Variants in RRP12 observed in about 807,000 individuals in gnomAD.
The protein encoded by RRP12 is RRP12-like protein.
Under a neutral mutation model 157.3 loss-of-function variants are expected in RRP12, and 78 were observed. The observed-to-expected ratio is 0.50, with a 90% CI of 0.41 to 0.60. The LOEUF is 0.60. RRP12 is among the 20% of genes least tolerant of loss of function. The probability of loss-of-function intolerance (pLI) is 0.00; values close to 1 mark genes in which losing one functional copy is unlikely to be tolerated. For missense variants in RRP12, 1,521 were observed against 1,679.9 expected (o/e 0.91, Z 1.65); for synonymous variants, 726 against 670.9 (o/e 1.08, Z -1.27).
At position 97,370,736 on chromosome 10, in the gene RRP12, T is replaced by C; in HGVS notation, c.2563A>G (p.Ile855Val). 1.2e-6 allele frequency: 2 copies of C among 1,614,128 alleles called. No homozygotes were observed. Among genetic ancestry groups the C allele is most frequent in the East Asian group, 2.2e-5 (1 of 44,868 alleles). Residue 855 changes from isoleucine (I) to valine (V), a missense_variant, in exon 22 of 34, where the codon ATC becomes GTC. Transcript: ENST00000370992. ...RKLSAEHKEF[I>V]TALIPEVILC... Reference sequence around the variant, plus strand: ...CTCACCTCTGGGATGAGGGCAGTGATGAACTCCTTGTGTTCAGCTGAGAGC... The same window carrying C: ...CTCACCTCTGGGATGAGGGCAGTGACGAACTCCTTGTGTTCAGCTGAGAGC...
At chr10:97,398,001 ATATACATATATATATATATATG>A (rs1564772391) in intron 2 of RRP12, among the ~76,000 whole-genome samples, 1 of 76,532 alleles carries the variant, frequency 1.3e-5, no homozygotes, top group Non-Finnish European at 2.7e-5. Context: ...ACGTATATAT[ATATACATATATATATATATATG>A]TATATATATA....
At chr10:97,365,940 A>G in intron 29 of RRP12, 168 bp downstream of exon 29, 1 of 853,838 alleles carries the variant, frequency 1.2e-6, no homozygotes, top group Non-Finnish European at 1.9e-6. Flanking sequence ...TACAACATAA[A>G]AAGATTTCTT....
chr10:97,372,722 C>G lies in RRP12; in HGVS notation c.2249+14G>C. On this transcript the variant is annotated intron_variant, in intron 19 of 33. Transcript: ENST00000370992. ...GGCTGCTCCAGCTCAAGTGGGAGGC[C>G]CTGAGCATGTTACCTGGTAAAGTCA... 1 of 1,554,854 alleles carries G rather than the reference C, an allele frequency of 6.4e-7. No individual in the cohort carries two copies. The highest frequency in any genetic ancestry group is 8.7e-7 in the Non-Finnish European group (1 of 1,148,590).
At chr10:97,382,276 C>T (rs1474930692) in intron 10 of RRP12, among the ~76,000 whole-genome samples, 1 of 152,040 alleles carries the variant, frequency 6.6e-6, no homozygotes, top group Non-Finnish European at 1.5e-5. Context: ...TCCTGAGTAG[C>T]TGGGGCTACA....
At chr10:97,362,619 C>T (rs904553462) in intron 30 of RRP12, among the ~76,000 whole-genome samples, 3 of 152,072 alleles carry the variant, frequency 2.0e-5, no homozygotes, top group Admixed American at 6.5e-5. Flanking sequence ...GTGAAGCTGT[C>T]CCACAGGAGT....
In RRP12 at chr10:97,372,904, G is replaced by C; in HGVS notation, c.2182-101C>G. On this transcript the variant is annotated intron_variant, in intron 18 of 33. Transcript: ENST00000370992. ...AGAGCGGCCTCCCCATCAGCCCCCA[G>C]CCCTGCCCAAGCCATGACTGCTGGT... The C allele has an allele frequency of 2.1e-6, 3 of 1,438,316 alleles. No homozygotes were observed. In the South Asian group the frequency reaches 3.7e-5, roughly 18 times the overall value. The allele number at this position is 1,438,316 out of a possible 1,614,324, so 89.1% of individuals were successfully genotyped here. A position where few individuals can be genotyped will look rare whatever the true frequency, so the allele number is the denominator to read the frequency against.
rs758921925 is a variant in RRP12 at position 97,388,589 on chromosome 10, G to A, written c.789C>T (p.Val263=). Residue 263 remains valine (V), a synonymous_variant, in exon 7 of 34, where the codon GTC becomes GTT. Transcript: ENST00000370992. ...CAAACATGAATTCACTGCCCTTGAG[G>A]ACTGAGCATACTCCATGCTGGGCAG... ...RKAAQHGVCS[V]LKGSEFMFEK... 3 of 1,614,214 alleles carry A rather than the reference G, an allele frequency of 1.9e-6. No homozygotes were observed. The highest frequency in any genetic ancestry group is 2.2e-5 in the East Asian group (1 of 44,884).
At chr10:97,391,978 T>C (rs375081110) in intron 4 of RRP12, among the ~76,000 whole-genome samples, 1 of 149,282 alleles carries the variant, frequency 6.7e-6, no homozygotes, top group East Asian at 2.0e-4. Context: ...CATTCAGTAC[T>C]GTTAAGTATA....
At chr10:97,374,230 C>T (rs994401967) in intron 15 of RRP12, among the ~76,000 whole-genome samples, 5 of 152,022 alleles carry the variant, frequency 3.3e-5, no homozygotes, top group African/African-American at 4.8e-5. Context: ...AATACAGTGG[C>T]GCAATCTGGG....
At chr10:97,375,967 G>A (rs1345264950) in intron 15 of RRP12, among the ~76,000 whole-genome samples, 1 of 151,980 alleles carries the variant, frequency 6.6e-6, no homozygotes, top group Non-Finnish European at 1.5e-5. Flanking sequence ...AGCGAGGGGT[G>A]ATGGTACACG....
chr10:97,396,082 C>A, intron 3 of RRP12, 136 bp downstream of exon 3: 1 of 660,648 alleles, frequency 1.5e-6, no homozygotes, highest in South Asian at 1.6e-5. Flanking sequence ...CCTAAGCCAC[C>A]TGAGAATAAC....
Position 97,372,882 on chromosome 10 carries a change from G to C in RRP12, c.2182-79C>G, listed in dbSNP as rs1043973371. ...AAGCAGCAATGGCAGCAGTCCCAGA[G>C]CGGCCTCCCCATCAGCCCCCAGCCC... On this transcript the variant is annotated intron_variant, in intron 18 of 33. Coordinates refer to ENST00000370992, the MANE Select transcript of RRP12 (RefSeq NM_015179.4). 2.0e-6 allele frequency: 3 copies of C among 1,471,018 alleles called. No homozygotes were observed. In the African/African-American group the frequency reaches 4.2e-5, roughly 21 times the overall value. 91.1% of individuals were successfully genotyped at this position (1,471,018 alleles called of 1,614,324 possible).
chr10:97,374,983 G>A lies in RRP12; in HGVS notation c.1799-1089C>T, dbSNP rs1455071141. ...GACCCTGGGAAATTAAACAAAACCTGCCCCAAGCCACGAACTGTGGAGCGG... is the reference window on the plus strand; with the variant it reads ...GACCCTGGGAAATTAAACAAAACCTACCCCAAGCCACGAACTGTGGAGCGG... On this transcript the variant is annotated intron_variant, in intron 15 of 33. Coordinates refer to ENST00000370992, the MANE Select transcript of RRP12 (RefSeq NM_015179.4). 2.0e-5 allele frequency among the ~76,000 whole-genome samples: 3 copies of A among 152,160 alleles called. No individual in the cohort carries two copies. In the East Asian group the frequency reaches 5.8e-4, roughly 29 times the overall value.
chr10:97,369,352 C>A (rs1844073861), intron 25 of RRP12, 73 bp downstream of exon 25: 3 of 1,494,662 alleles, frequency 2.0e-6, no homozygotes, highest in South Asian at 1.2e-5. Flanking sequence ...TTGCTGGCCT[C>A]GAAGCTTGCC....
chr10:97,358,775 C>A, intron 32 of RRP12, 156 bp from the exon 33 acceptor site: 1 of 784,298 alleles, frequency 1.3e-6, no homozygotes, highest in Non-Finnish European at 2.2e-6. Flanking sequence ...TAAGGTCCCC[C>A]ATTTCAGATG....
At chr10:97,366,378 C>T (rs894249763) in intron 28 of RRP12, 68 bp downstream of exon 28, 8 of 1,557,210 alleles carry the variant, frequency 5.1e-6, no homozygotes, top group Middle Eastern at 1.7e-4. Flanking sequence ...CACCCCCTAC[C>T]CACCACCTGA....
At chr10:97,367,213 C>A in intron 25 of RRP12, 81 bp from the exon 26 acceptor site, 2 of 1,223,844 alleles carry the variant, frequency 1.6e-6, no homozygotes, top group Non-Finnish European at 2.4e-6. Context: ...CCCAGGGACG[C>A]AGCATGATCA....
At chr10:97,375,224 G>A (rs1844272596) in intron 15 of RRP12, among the ~76,000 whole-genome samples, 3 of 149,192 alleles carry the variant, frequency 2.0e-5, no homozygotes, top group African/African-American at 7.5e-5. Flanking sequence ...CTCCCAAGTA[G>A]CTGGAACTAC....
rs568762139 is a variant in RRP12 at position 97,359,916 on chromosome 10, G to A, written c.3640+630C>T. On this transcript the variant is annotated intron_variant, in intron 31 of 33. Coordinates refer to ENST00000370992, the MANE Select transcript of RRP12 (RefSeq NM_015179.4). ...ATGCTCTAGGGCTGAGGACACACCA[G>A]CTACTGGAATCAGAGGCTTCCCACA... 2.4e-4 allele frequency among the ~76,000 whole-genome samples: 36 copies of A among 152,362 alleles called. 1 individual carries two copies. In the South Asian group the frequency reaches 7.0e-3, roughly 30 times the overall value.
Sources: allele counts gnomAD v4.1 joint callset (sites outside exome capture counted in the v4.1 genomes callset), GRCh38; gene constraint gnomAD v4.1.1; transcripts MANE v1.5; gene names NCBI Gene and HGNC (gene_info 2026-07-23, HGNC 2026-07-21).